The following PTPRN2 variants were observed in gnomAD, a reference collection of about 807,000 sequenced individuals.
PTPRN2 encodes protein tyrosine phosphatase receptor type N2, also known as receptor-type tyrosine-protein phosphatase N2.
A neutral mutation model predicts 118.8 loss-of-function variants in PTPRN2; 74 were observed. The observed-to-expected ratio is 0.62, with a 90% CI of 0.52 to 0.76. PTPRN2 has a LOEUF of 0.76. Ranked by LOEUF, PTPRN2 falls within the 30% of genes least tolerant of loss-of-function variation. The probability of loss-of-function intolerance (pLI) is 0.00; values close to 1 mark genes in which losing one functional copy is unlikely to be tolerated. For synonymous variants in PTPRN2, 641 were observed against 608.0 expected, an observed-to-expected ratio of 1.05 and a Z score of -0.80; for missense variants, 1,481 against 1,394.4, an observed-to-expected ratio of 1.06 and a Z score of -0.99.
At chr7:157,545,032 G>A (rs1452851844) in intron 22 of PTPRN2, among the ~76,000 whole-genome samples, 1 of 150,048 alleles carries the variant, frequency 6.7e-6, no homozygotes, top group African/African-American at 2.5e-5. Context: ...TGCACTGTGT[G>A]TACACCTGTG....
rs1422305922 is a variant in PTPRN2, at chr7:157,784,967, A to G, written c.1789-102030T>C. On this transcript the variant is annotated intron_variant, in intron 12 of 22. Transcript: ENST00000389418. The surrounding 1 kb of genome is among the most constrained non-coding windows in gnomAD (Gnocchi z 4.6). ...GAGCAGTGGGGCTGGAGAGGAGAGCAGAGGGAGCCGAGGCCCTCTGTCCAG... is the reference window on the plus strand; with the variant it reads ...GAGCAGTGGGGCTGGAGAGGAGAGCGGAGGGAGCCGAGGCCCTCTGTCCAG... Among the ~76,000 whole-genome samples the G allele has an allele frequency of 6.6e-6, 1 of 152,148 alleles. No homozygotes were observed. Among genetic ancestry groups the G allele is most frequent in the East Asian group, 1.9e-4 (1 of 5,188 alleles).
At chr7:157,704,027 G>A (rs975603163) in intron 12 of PTPRN2, among the ~76,000 whole-genome samples, 9 of 152,242 alleles carry the variant, frequency 5.9e-5, no homozygotes, top group Admixed American at 3.9e-4. Context: ...CATCCTCCGC[G>A]GGGTGAGGTG....
intron 11 of PTPRN2, among the ~76,000 whole-genome samples, chr7:158,066,851 GA>G (rs901306299): frequency 2.0e-5 from 3 of 152,162 alleles, no homozygotes; most frequent in African/African-American, 7.2e-5. Context: ...TGGGGTGGCT[GA>G]GGGCTCTGCA....
At chr7:158,262,925 TCA>T (rs200139870) in intron 3 of PTPRN2, among the ~76,000 whole-genome samples, 1 of 115,414 alleles carries the variant, frequency 8.7e-6, no homozygotes, top group African/African-American at 3.8e-5. Context: ...GCACACACAT[TCA>T]CACACTGCAC....
rs10249393 is a variant in PTPRN2, at chr7:158,443,433, C to T, written c.163+46302G>A. 6.5e-3 allele frequency among the ~76,000 whole-genome samples: 992 copies of T among 152,364 alleles called. 18 individuals carry two copies. Among genetic ancestry groups the T allele is most frequent in the African/African-American group, 0.023 (936 of 41,584 alleles). On this transcript the variant is annotated intron_variant, in intron 2 of 22. Coordinates refer to ENST00000389418, the MANE Select transcript of PTPRN2 (RefSeq NM_002847.5). ...CAACGGAGAACTGACGAGACTGTTT[C>T]CCCACTGACGGGTCTGTAAGAGTTG...
intron 12 of PTPRN2, among the ~76,000 whole-genome samples, chr7:157,877,034 C>CG (rs1795809895): frequency 1.3e-5 from 2 of 152,020 alleles, no homozygotes; most frequent in South Asian, 4.1e-4. Flanking sequence ...AGGGTTTCCT[C>CG]GGGGACCCCA....
intron 17 of PTPRN2, among the ~76,000 whole-genome samples, chr7:157,589,547 C>T (rs1327777702): frequency 6.6e-6 from 1 of 152,188 alleles, no homozygotes; most frequent in African/African-American, 2.4e-5. Flanking sequence ...CTCTCGTCTT[C>T]CTTCCTGATA....
chr7:158,286,311 ACTT>A (rs139311955), intron 3 of PTPRN2, among the ~76,000 whole-genome samples: 1 of 152,240 alleles, frequency 6.6e-6, no homozygotes, highest in East Asian at 1.9e-4. Context: ...GACAATTTTA[ACTT>A]CTTTTGTTCC....
At chr7:157,597,252 C>T (rs1181795820) in intron 16 of PTPRN2, among the ~76,000 whole-genome samples, 4 of 152,152 alleles carry the variant, frequency 2.6e-5, no homozygotes, top group African/African-American at 7.2e-5. Context: ...AACTGGACCT[C>T]GTTTTGAAAT....
intron 10 of PTPRN2, among the ~76,000 whole-genome samples, chr7:158,082,306 G>A (rs1812904418): frequency 6.6e-6 from 1 of 152,136 alleles, no homozygotes; most frequent in African/African-American, 2.4e-5. Flanking sequence ...TCCACCACAG[G>A]CTCATCCCAA....
chr7:157,669,412 C>G (rs549577626), intron 13 of PTPRN2: 1 of 425,946 alleles, frequency 2.3e-6, no homozygotes. Context: ...AACCCACACA[C>G]GTGTTTGCAC....
chr7:158,568,894 G>C lies in PTPRN2; in HGVS notation c.112+18664C>G, dbSNP rs1424759772. On this transcript the variant is annotated intron_variant, in intron 1 of 22. Coordinates refer to ENST00000389418, the MANE Select transcript of PTPRN2 (RefSeq NM_002847.5). ...TAATCCCAACACTTCAGGAGGCTAA[G>C]GTGGGAGGAACACTTTAGCCCAGGA... Among the ~76,000 whole-genome samples, 4 of 152,176 alleles carry C rather than the reference G, an allele frequency of 2.6e-5. No homozygotes were observed. In the East Asian group the frequency reaches 7.7e-4, roughly 29 times the overall value.
chr7:157,809,861 C>T (rs1384737072), intron 12 of PTPRN2, among the ~76,000 whole-genome samples: 5 of 152,250 alleles, frequency 3.3e-5, no homozygotes, highest in Non-Finnish European at 5.9e-5. Flanking sequence ...AACCGTCTCA[C>T]TGGCCCAGTC....
intron 11 of PTPRN2, among the ~76,000 whole-genome samples, chr7:158,043,717 C>G (rs1449100056): frequency 3.9e-5 from 6 of 152,330 alleles, no homozygotes; most frequent in Middle Eastern, 3.4e-3. Flanking sequence ...TACTCACCAG[C>G]CTTTGTTCTC....
intron 10 of PTPRN2, among the ~76,000 whole-genome samples, chr7:158,086,091 G>A (rs747227943): frequency 3.9e-5 from 6 of 152,136 alleles, no homozygotes; most frequent in African/African-American, 7.2e-5. Flanking sequence ...GAAATTCTTC[G>A]TGGCTCCCTT....
At chr7:158,404,518 G>T (rs913833221) in intron 2 of PTPRN2, among the ~76,000 whole-genome samples, 1 of 152,142 alleles carries the variant, frequency 6.6e-6, no homozygotes, top group African/African-American at 2.4e-5. Flanking sequence ...CTCCCCAGGG[G>T]ACGTGGCTTT....
intron 11 of PTPRN2, among the ~76,000 whole-genome samples, chr7:158,053,246 G>A (rs779037143): frequency 1.2e-4 from 19 of 152,200 alleles, no homozygotes; most frequent in Non-Finnish European, 2.6e-4. Flanking sequence ...GAACTAAAAG[G>A]CGCTTTAAAA....
chr7:157,935,323 G>T (rs949397661), intron 11 of PTPRN2, among the ~76,000 whole-genome samples: 5 of 152,048 alleles, frequency 3.3e-5, no homozygotes, highest in Non-Finnish European at 5.9e-5. Flanking sequence ...GCTCTTTTTT[G>T]TTTCTGGCAT....
At chr7:157,886,107 A>G (rs1041635557) in intron 12 of PTPRN2, among the ~76,000 whole-genome samples, 3 of 152,200 alleles carry the variant, frequency 2.0e-5, no homozygotes, top group Non-Finnish European at 4.4e-5. Flanking sequence ...TTACACACTG[A>G]GGGACCTTAT....
Sources: gnomAD v4.1 joint callset for allele counts (sites outside exome capture counted in the v4.1 genomes callset) on GRCh38, gnomAD v4.1.1 for gene constraint, Gnocchi (gnomAD v3.1) non-coding constraint, MANE v1.5 for transcripts, NCBI Gene and HGNC (gene_info 2026-07-23, HGNC 2026-07-21) for gene names.